The following LYN variants were observed in gnomAD, a reference collection of about 807,000 sequenced individuals.
LYN encodes the protein LYN proto-oncogene, Src family tyrosine kinase.
LYN carries 12 observed loss-of-function variants against 65.0 expected under a neutral mutation model. That is an observed-to-expected ratio of 0.18 (90% CI 0.12 to 0.30). The LOEUF (loss-of-function observed/expected upper bound fraction) is 0.30, where lower values mean the gene tolerates loss of function less well. Ranked by LOEUF, LYN falls within the 10% of genes least tolerant of loss-of-function variation. The pLI, the probability that LYN is intolerant of heterozygous loss-of-function variation, is 1.00. For missense variants in LYN, 380 were observed against 623.2 expected (o/e 0.61, Z 4.16); for synonymous variants, 222 against 221.2 (o/e 1.00, Z -0.03).
At chr8:56,000,469 C>T (rs1428156034) in intron 12 of LYN, among the ~76,000 whole-genome samples, 1 of 151,998 alleles carries the variant, frequency 6.6e-6, no homozygotes, top group Non-Finnish European at 1.5e-5. Context: ...TGGCTTACAC[C>T]TGTAATCCCA....
chr8:55,892,560 T>C (rs932415802), intron 1 of LYN, among the ~76,000 whole-genome samples: 1 of 152,168 alleles, frequency 6.6e-6, no homozygotes, highest in Non-Finnish European at 1.5e-5. Context: ...TTCTTTTTTT[T>C]GAGGCAGGGT....
At chr8:55,942,345 G>GTATATATGTGTA (rs1806639636) in intron 2 of LYN, among the ~76,000 whole-genome samples, 1 of 137,026 alleles carries the variant, frequency 7.3e-6, no homozygotes, top group African/African-American at 2.9e-5. Context: ...ATATATATGT[G>GTATATATGTGTA]TATATATATG....
intron 10 of LYN, among the ~76,000 whole-genome samples, chr8:55,996,800 A>C (rs1430121378): frequency 1.3e-5 from 2 of 152,114 alleles, no homozygotes; most frequent in Non-Finnish European, 2.9e-5. Context: ...GTTGTGTTTA[A>C]ATCCTGGATT....
chr8:55,995,823 G>A (rs1216077346), intron 10 of LYN, among the ~76,000 whole-genome samples: 1 of 152,170 alleles, frequency 6.6e-6, no homozygotes, highest in Non-Finnish European at 1.5e-5. Flanking sequence ...AAGGAGCTTG[G>A]ACCACATTCT....
chr8:55,894,085 A>G (rs1446650516), intron 1 of LYN: 3 of 152,258 alleles, frequency 2.0e-5, no homozygotes, highest in African/African-American at 7.2e-5. Flanking sequence ...TTCTGTGAAA[A>G]AGTCACAAGT....
At chr8:55,926,665 A>G (rs1806117146) in intron 1 of LYN, among the ~76,000 whole-genome samples, 1 of 152,226 alleles carries the variant, frequency 6.6e-6, no homozygotes, top group African/African-American at 2.4e-5. Context: ...ATAATTGTAA[A>G]GACTATTGGG....
intron 1 of LYN, among the ~76,000 whole-genome samples, chr8:55,903,984 A>G (rs72651470): frequency 0.13 from 18,677 of 148,666 alleles, 1,524 homozygotes; most frequent in Middle Eastern, 0.29. Context: ...TTGTGCCATT[A>G]CAACAGAGTA....
At chr8:56,002,354 G>A (rs1464761947) in intron 12 of LYN, among the ~76,000 whole-genome samples, 1 of 152,026 alleles carries the variant, frequency 6.6e-6, no homozygotes, top group Non-Finnish European at 1.5e-5. Flanking sequence ...GGGAGGCGGA[G>A]CTTGCAGTGA....
intron 1 of LYN, among the ~76,000 whole-genome samples, chr8:55,887,889 C>T (rs911882897): frequency 1.3e-5 from 2 of 152,020 alleles, no homozygotes; most frequent in Admixed American, 6.6e-5. Context: ...GGATTACAGG[C>T]ATAAGTCATT....
intron 8 of LYN, among the ~76,000 whole-genome samples, chr8:55,958,640 C>T (rs1390304268): frequency 6.6e-6 from 1 of 152,204 alleles, no homozygotes; most frequent in Non-Finnish European, 1.5e-5. Flanking sequence ...CCCTCTCTGG[C>T]AACCACCATG....
At chr8:55,969,537 A>G (rs911173469) in intron 9 of LYN, among the ~76,000 whole-genome samples, 180 bp from the exon 10 acceptor site, 6 of 152,228 alleles carry the variant, frequency 3.9e-5, no homozygotes, top group African/African-American at 1.4e-4. Context: ...GTCAAAGGTA[A>G]CAGATTAGAG....
Position 55,999,442 on chromosome 8 carries a change from C to T in LYN, c.1229C>T (p.Thr410Met), listed in dbSNP as rs1347486935. Residue 410 changes from threonine to methionine, a missense_variant, in exon 12 of 13, where the codon ACG (threonine) becomes ATG (methionine). This residue lies in a region of LYN where 223 missense variants were observed against 430.0 expected (regional missense o/e 0.52). Transcript: ENST00000519728. ...REGAKFPIKW[T>M]APEAINFGCF... ...GGTGCTAAGTTCCCTATTAAGTGGA[C>T]GGCTCCAGAAGCAATCAACTTTGGA... 3 of 1,613,748 alleles carry T rather than the reference C, an allele frequency of 1.9e-6. No homozygotes were observed. Among genetic ancestry groups the T allele is most frequent in the East Asian group, 2.2e-5 (1 of 44,866 alleles).
chr8:55,920,437 G>A (rs929933089), intron 1 of LYN, among the ~76,000 whole-genome samples: 7 of 152,170 alleles, frequency 4.6e-5, no homozygotes, highest in Admixed American at 3.3e-4. Context: ...TGGAGGACGG[G>A]GGCGGATAAT....
intron 1 of LYN, among the ~76,000 whole-genome samples, chr8:55,897,326 C>A (rs1805143231): frequency 6.6e-6 from 1 of 151,988 alleles, no homozygotes; most frequent in African/African-American, 2.4e-5. Flanking sequence ...AAGGTACTTC[C>A]CTCCTCCTCA....
rs1806962714 is a variant in LYN, at chr8:55,951,951, CT to C, written c.488-11del. ...TGTGAGATATAAACATTTACTTACACTTTTCCCCCCATAGGAAGCTTCTCTC... is the reference window on the plus strand; with the variant it reads ...TGTGAGATATAAACATTTACTTACACTTTCCCCCCATAGGAAGCTTCTCTC... On this transcript the variant is annotated splice_polypyrimidine_tract_variant and intron_variant, in intron 6 of 12. Coordinates refer to ENST00000519728, the MANE Select transcript of LYN (RefSeq NM_002350.4). The C allele has an allele frequency of 2.5e-6, 4 of 1,607,306 alleles. No homozygotes were observed. The highest frequency in any genetic ancestry group is 3.4e-5 in the Admixed American group (2 of 58,246).
chr8:55,925,948 T>C lies in LYN; in HGVS notation c.-5-15907T>C, dbSNP rs116836582. 3.7e-3 allele frequency among the ~76,000 whole-genome samples: 563 copies of C among 152,352 alleles called. 2 individuals carry two copies. Among genetic ancestry groups the C allele is most frequent in the African/African-American group, 0.013 (543 of 41,574 alleles). ...ATTCAGTTTAATTTGATTTTAATAT[T>C]GCTTCCAAACATTTTTATTATGTAA... On this transcript the variant is annotated intron_variant, in intron 1 of 12. Transcript: ENST00000519728.
At chr8:55,956,525 C>T (rs7003678) in intron 8 of LYN, among the ~76,000 whole-genome samples, 32 of 152,076 alleles carry the variant, frequency 2.1e-4, no homozygotes, top group Admixed American at 5.9e-4. Context: ...TTAGTTTCTC[C>T]GTGGCAACTT....
At chr8:55,994,892 T>C (rs1020071320) in intron 10 of LYN, among the ~76,000 whole-genome samples, 2 of 152,162 alleles carry the variant, frequency 1.3e-5, no homozygotes, top group African/African-American at 4.8e-5. Context: ...CCAACTCTGG[T>C]CTGTTTGAGC....
intron 1 of LYN, among the ~76,000 whole-genome samples, chr8:55,885,721 G>C (rs1320892326): frequency 6.6e-6 from 1 of 152,218 alleles, no homozygotes; most frequent in Non-Finnish European, 1.5e-5. Context: ...TGGAGAGGGA[G>C]GACCACTTCT....
Sources: gnomAD v4.1 joint callset for allele counts (sites outside exome capture counted in the v4.1 genomes callset) on GRCh38, gnomAD v4.1.1 for gene constraint, gnomAD v4.1.1 regional missense constraint, MANE v1.5 for transcripts, NCBI Gene and HGNC (gene_info 2026-07-23, HGNC 2026-07-21) for gene names.